The following PPP2R2C variants were observed in gnomAD, a reference collection of about 807,000 sequenced individuals.
PPP2R2C encodes the protein protein phosphatase 2, regulatory subunit B, gamma.
In PPP2R2C, 10 loss-of-function variants were observed where a neutral mutation model predicts 45.3. The ratio of observed to expected loss-of-function variants is 0.22; its 90% CI spans 0.14 to 0.37. The LOEUF (loss-of-function observed/expected upper bound fraction) is 0.37, where lower values mean the gene tolerates loss of function less well. Among genes scored for constraint, PPP2R2C ranks in the 10% least tolerant of loss-of-function variants. The pLI, the probability that PPP2R2C is intolerant of heterozygous loss-of-function variation, is 1.00. For synonymous variants in PPP2R2C, 257 were observed against 245.4 expected, an observed-to-expected ratio of 1.05 and a Z score of -0.44; for missense variants, 308 against 619.7, an observed-to-expected ratio of 0.50 and a Z score of 5.34.
intron 1 of PPP2R2C, among the ~76,000 whole-genome samples, chr4:6,459,137 A>C (rs1721189804): frequency 1.3e-5 from 2 of 152,108 alleles, no homozygotes; most frequent in African/African-American, 2.4e-5. Context: ...GTTTGGGTAG[A>C]TCTTGGTGGG....
At chr4:6,344,462 C>A (rs752428947) in intron 6 of PPP2R2C, among the ~76,000 whole-genome samples, 1 of 152,130 alleles carries the variant, frequency 6.6e-6, no homozygotes, top group African/African-American at 2.4e-5. Flanking sequence ...CCTGGGAAAC[C>A]GGATAGCACA....
chr4:6,466,119 AAACT>A (rs1322121117), intron 1 of PPP2R2C, among the ~76,000 whole-genome samples: 1 of 152,256 alleles, frequency 6.6e-6, no homozygotes, highest in Non-Finnish European at 1.5e-5. Context: ...CCTGCCTGTG[AAACT>A]ACAGACGCAC....
At chr4:6,454,257 C>A (rs1049946333) in intron 1 of PPP2R2C, among the ~76,000 whole-genome samples, 5 of 152,176 alleles carry the variant, frequency 3.3e-5, no homozygotes, top group Non-Finnish European at 7.3e-5. Context: ...ATCTGCTTTT[C>A]TACCATGTAA....
intron 5 of PPP2R2C, among the ~76,000 whole-genome samples, chr4:6,369,658 T>A (rs973232886): frequency 6.6e-6 from 1 of 152,186 alleles, no homozygotes; most frequent in Non-Finnish European, 1.5e-5. Context: ...TGCCTCCTCA[T>A]GCATCCGCCT....
rs185997651 is a variant in PPP2R2C, at chr4:6,394,001, C to T, written c.71-12907G>A. ...GGGACAGGGTCAAGGTGAGGGAGAC[C>T]GAGAGAAGATCACATGCTCCCTGCC... is the stretch of plus-strand genomic sequence containing the variant. On this transcript the variant is annotated intron_variant, in intron 1 of 8. Transcript: ENST00000382599. 5.5e-4 allele frequency among the ~76,000 whole-genome samples: 84 copies of T among 152,314 alleles called. 1 individual carries two copies. The highest frequency in any genetic ancestry group is 4.6e-3 in the Admixed American group (71 of 15,292).
chr4:6,400,357 A>C (rs1053821124), intron 1 of PPP2R2C, among the ~76,000 whole-genome samples: 21 of 152,044 alleles, frequency 1.4e-4, no homozygotes, highest in Admixed American at 2.6e-4. Flanking sequence ...TTCCAAAAAA[A>C]ATATTATTTA....
chr4:6,478,989 G>A (rs920823009), intron 2 of PPP2R2C, among the ~76,000 whole-genome samples: 1 of 152,202 alleles, frequency 6.6e-6, no homozygotes, highest in Non-Finnish European at 1.5e-5. Flanking sequence ...GGCAGGGAGG[G>A]CACTGAGGGT....
chr4:6,540,110 T>C (rs975104104), intron 1 of PPP2R2C, among the ~76,000 whole-genome samples: 6 of 152,256 alleles, frequency 3.9e-5, no homozygotes, highest in Non-Finnish European at 8.8e-5. Flanking sequence ...TTATAAAGTG[T>C]ACAATTCAGT....
intron 5 of PPP2R2C, chr4:6,351,459 G>C: frequency 1.6e-6 from 1 of 642,438 alleles, no homozygotes; most frequent in Non-Finnish European, 1.9e-6. Flanking sequence ...CCCATGTATA[G>C]GCTGGGGACA....
Position 6,471,992 on chromosome 4 carries a change from G to A in PPP2R2C, c.70+168C>T, listed in dbSNP as rs1173801058. 6.9e-6 allele frequency among the ~76,000 whole-genome samples: 1 copy of A among 145,206 alleles called. No homozygotes were observed. The highest frequency in any genetic ancestry group is 1.5e-5 in the Non-Finnish European group (1 of 65,768). The stretch of plus-strand genomic sequence containing the variant: ...TCGGGCTCCCTCCCTCCTGGGCCCC[G>A]GGCAGGGTGGGATGGGATGGGGTGG... On this transcript the variant is annotated intron_variant, in intron 1 of 8. Coordinates refer to ENST00000382599, the MANE Select transcript of PPP2R2C (RefSeq NM_020416.4). This position sits in a 1 kb window ranked among gnomAD's most constrained non-coding sequence, Gnocchi z 5.6.
At chr4:6,527,650 C>T (rs1461431845) in intron 2 of PPP2R2C, among the ~76,000 whole-genome samples, 6 of 151,254 alleles carry the variant, frequency 4.0e-5, no homozygotes, top group African/African-American at 9.7e-5. Flanking sequence ...CATGGAACTC[C>T]GGCCATTTCC....
Position 6,372,451 on chromosome 4 carries a change from A to G in PPP2R2C, c.625+72T>C, listed in dbSNP as rs1714913744. On this transcript the variant is annotated intron_variant, in intron 5 of 8. Coordinates refer to ENST00000382599, the MANE Select transcript of PPP2R2C (RefSeq NM_020416.4). ...TCCCCAAACCAGCTGTCTGCCAATC[A>G]AACCAAACCCACCACCCAACGGAAG... 5.9e-6 allele frequency: 9 copies of G among 1,527,688 alleles called. No individual in the cohort carries two copies. The South Asian group carries it at 1.1e-4, about 18-fold the overall frequency. 94.6% of individuals were successfully genotyped at this position (1,527,688 alleles called of 1,614,324 possible). A position where few individuals can be genotyped will look rare whatever the true frequency, so the allele number is the denominator to read the frequency against.
chr4:6,357,073 C>A lies in PPP2R2C; in HGVS notation c.626-9063G>T, dbSNP rs183372760. Among the ~76,000 whole-genome samples, 503 of 149,654 alleles carry A rather than the reference C, an allele frequency of 3.4e-3. 5 individuals carry two copies. The highest frequency in any genetic ancestry group is 0.012 in the African/African-American group (475 of 40,440). On this transcript the variant is annotated intron_variant, in intron 5 of 8. Coordinates refer to ENST00000382599, the MANE Select transcript of PPP2R2C (RefSeq NM_020416.4). ...GAGACAGGGACAGCGAGGTGCTGGG[C>A]AGGGAAAGGCTGTCAGGTGGGACCC...
intron 1 of PPP2R2C, among the ~76,000 whole-genome samples, chr4:6,453,057 C>G (rs1720824400): frequency 6.6e-6 from 1 of 152,226 alleles, no homozygotes; most frequent in South Asian, 2.1e-4. Context: ...ATGCGTGTGG[C>G]TCCCTCTGCC....
chr4:6,466,273 C>T (rs1372283197), intron 1 of PPP2R2C, among the ~76,000 whole-genome samples: 3 of 152,176 alleles, frequency 2.0e-5, no homozygotes. Flanking sequence ...CAGGCTCCCC[C>T]GTCCCATCAG....
intron 6 of PPP2R2C, among the ~76,000 whole-genome samples, chr4:6,344,904 G>T (rs1711696607): frequency 6.6e-6 from 1 of 152,052 alleles, no homozygotes; most frequent in Non-Finnish European, 1.5e-5. Flanking sequence ...CATTTTCTCG[G>T]CATTTTAAAC....
intron 5 of PPP2R2C, among the ~76,000 whole-genome samples, chr4:6,353,104 G>T (rs1283590530): frequency 6.6e-6 from 1 of 152,038 alleles, no homozygotes; most frequent in Admixed American, 6.5e-5. Context: ...AGAACTTGTG[G>T]CCCCCAGGAC....
intron 1 of PPP2R2C, among the ~76,000 whole-genome samples, chr4:6,420,553 C>A (rs1291440396): frequency 6.6e-6 from 1 of 152,156 alleles, no homozygotes; most frequent in Non-Finnish European, 1.5e-5. Flanking sequence ...CAGAGGCACC[C>A]CTTCACCCTT....
chr4:6,370,227 G>T (rs938713689), intron 5 of PPP2R2C, among the ~76,000 whole-genome samples: 4 of 152,224 alleles, frequency 2.6e-5, no homozygotes, highest in Non-Finnish European at 5.9e-5. Context: ...GCCAACTGGG[G>T]ACTCTGGGCC....
Sources: gnomAD v4.1 joint callset for allele counts (sites outside exome capture counted in the v4.1 genomes callset) on GRCh38, gnomAD v4.1.1 for gene constraint, Gnocchi (gnomAD v3.1) non-coding constraint, MANE v1.5 for transcripts, NCBI Gene and HGNC (gene_info 2026-07-23, HGNC 2026-07-21) for gene names.